PPP6R3: variants seen among roughly 807,000 people sequenced by gnomAD.
PPP6R3 encodes protein phosphatase 6 regulatory subunit 3.
Under a neutral mutation model 110.7 loss-of-function variants are expected in PPP6R3, and 38 were observed. The ratio of observed to expected loss-of-function variants is 0.34; its 90% CI spans 0.26 to 0.45. PPP6R3 has a LOEUF of 0.45. PPP6R3 is among the 20% of genes least tolerant of loss of function. The pLI is 1.00. For synonymous variants in PPP6R3, 369 were observed against 373.5 expected (o/e 0.99, Z 0.14); for missense variants, 870 against 1,062.4 (o/e 0.82, Z 2.52).
chr11:68,538,049 A>G (rs1263396605), intron 3 of PPP6R3, among the ~76,000 whole-genome samples, 158 bp downstream of exon 3: 2 of 89,620 alleles, frequency 2.2e-5, no homozygotes, highest in Admixed American at 2.4e-4. Flanking sequence ...AATCCATTCT[A>G]GCAGTAAGTC....
At chr11:68,461,395 C>G (rs958843158) in intron 1 of PPP6R3, among the ~76,000 whole-genome samples, 1 of 151,166 alleles carries the variant, frequency 6.6e-6, no homozygotes, top group Non-Finnish European at 1.5e-5. Flanking sequence ...CAGCCAGTTC[C>G]GAGGCTCCCA....
intron 10 of PPP6R3, among the ~76,000 whole-genome samples, chr11:68,569,481 A>G (rs887728079): frequency 6.6e-6 from 1 of 152,236 alleles, no homozygotes; most frequent in African/African-American, 2.4e-5. Context: ...AATGAATGTT[A>G]TGTGAATGTC....
chr11:68,528,183 A>G (rs1231869283), intron 2 of PPP6R3, among the ~76,000 whole-genome samples: 1 of 152,192 alleles, frequency 6.6e-6, no homozygotes, highest in Non-Finnish European at 1.5e-5. Context: ...GTTGATTAAT[A>G]TAGCATATTA....
chr11:68,529,923 A>G lies in PPP6R3; in HGVS notation c.-6-7736A>G, dbSNP rs573361850. On this transcript the variant is annotated intron_variant, in intron 2 of 23. Coordinates refer to ENST00000393800, the MANE Select transcript of PPP6R3 (RefSeq NM_001164161.2). ...CGGAGAGAGACTGAATCATAATGTCATTAGAGTGGGGCTGTCTAGTACAGC... is the reference window on the plus strand; with the variant it reads ...CGGAGAGAGACTGAATCATAATGTCGTTAGAGTGGGGCTGTCTAGTACAGC... Among the ~76,000 whole-genome samples, 28 of 152,324 alleles carry G rather than the reference A, an allele frequency of 1.8e-4. No homozygotes were observed. The South Asian group carries it at 5.8e-3, about 32-fold the overall frequency.
At chr11:68,496,120 G>C (rs556465708) in intron 1 of PPP6R3, among the ~76,000 whole-genome samples, 38 of 151,966 alleles carry the variant, frequency 2.5e-4, no homozygotes, top group Non-Finnish European at 4.7e-4. Flanking sequence ...CCCCCAAGTT[G>C]CTGGGACCAC....
At chr11:68,491,710 A>G (rs1299799075) in intron 1 of PPP6R3, among the ~76,000 whole-genome samples, 4 of 151,938 alleles carry the variant, frequency 2.6e-5, no homozygotes, top group Non-Finnish European at 4.4e-5. Flanking sequence ...TTGTTGATCA[A>G]CCATCATCAC....
At chr11:68,487,214 C>T (rs1210839064) in intron 1 of PPP6R3, among the ~76,000 whole-genome samples, 1 of 152,070 alleles carries the variant, frequency 6.6e-6, no homozygotes, top group Non-Finnish European at 1.5e-5. Flanking sequence ...CTATAAATTT[C>T]CTTCTAGACA....
Position 68,571,122 on chromosome 11 carries a change from T to C in PPP6R3, c.1343+18T>C. ...AAGAAACAGTAAGTAAATTGTTTTT[T>C]TGAAAGGAATTCAGTTTGGTTGGTA... On this transcript the variant is annotated intron_variant, in intron 12 of 23. Transcript: ENST00000393800. The C allele has an allele frequency of 6.3e-7, 1 of 1,594,052 alleles. No individual in the cohort carries two copies. Among genetic ancestry groups the C allele is most frequent in the South Asian group, 1.2e-5 (1 of 85,844 alleles).
intron 12 of PPP6R3, among the ~76,000 whole-genome samples, chr11:68,573,207 G>A (rs2099517381): frequency 7.1e-6 from 1 of 140,996 alleles, no homozygotes; most frequent in African/African-American, 2.7e-5. Context: ...TTGGAGTGCA[G>A]TAGCACAATC....
chr11:68,576,864 T>C lies in PPP6R3; in HGVS notation c.1545+821T>C, dbSNP rs2099533654. Reference sequence around the variant, plus strand: ...CTTGACTGTTAGGAATTCAATGATCTGGCAGCCTGAAGCAACAGGGAAGCA... The same window carrying C: ...CTTGACTGTTAGGAATTCAATGATCCGGCAGCCTGAAGCAACAGGGAAGCA... On this transcript the variant is annotated intron_variant, in intron 14 of 23. Transcript: ENST00000393800. Among the ~76,000 whole-genome samples, 4 of 152,322 alleles carry C rather than the reference T, an allele frequency of 2.6e-5. No individual in the cohort carries two copies. In the South Asian group the frequency reaches 8.3e-4, roughly 32 times the overall value.
intron 6 of PPP6R3, 52 bp downstream of exon 6, chr11:68,551,238 C>A (rs777869853): frequency 6.6e-6 from 9 of 1,371,016 alleles, no homozygotes; most frequent in Non-Finnish European, 9.2e-6. Flanking sequence ...AAACAAAAAA[C>A]TGTTTATTGG....
chr11:68,602,090 C>T (rs924514964), intron 21 of PPP6R3, 121 bp downstream of exon 21: 16 of 689,940 alleles, frequency 2.3e-5, no homozygotes, highest in Non-Finnish European at 3.3e-5. Context: ...CTGATGTCCA[C>T]AGGGCAGCTG....
At chr11:68,588,334 A>C (rs990560107) in intron 16 of PPP6R3, among the ~76,000 whole-genome samples, 1 of 152,048 alleles carries the variant, frequency 6.6e-6, no homozygotes, top group Non-Finnish European at 1.5e-5. Flanking sequence ...CCCCGTCTCT[A>C]CCAAAAATAT....
chr11:68,509,261 T>C (rs1386344184), intron 1 of PPP6R3, among the ~76,000 whole-genome samples: 1 of 152,264 alleles, frequency 6.6e-6, no homozygotes, highest in Non-Finnish European at 1.5e-5. Context: ...TGTTTAACTT[T>C]CAAAGCATCT....
At chr11:68,466,548 C>A (rs965258763) in intron 1 of PPP6R3, among the ~76,000 whole-genome samples, 1 of 151,546 alleles carries the variant, frequency 6.6e-6, no homozygotes, top group Non-Finnish European at 1.5e-5. Flanking sequence ...ACGCCATTCT[C>A]CTGCCTCAGC....
At chr11:68,496,699 G>A (rs563530699) in intron 1 of PPP6R3, among the ~76,000 whole-genome samples, 1 of 151,946 alleles carries the variant, frequency 6.6e-6, no homozygotes, top group Non-Finnish European at 1.5e-5. Context: ...TCTCAAACTC[G>A]GCCTCAAGCA....
At chr11:68,466,784 T>C (rs886535317) in intron 1 of PPP6R3, among the ~76,000 whole-genome samples, 2 of 152,230 alleles carry the variant, frequency 1.3e-5, no homozygotes, top group African/African-American at 4.8e-5. Context: ...GGCTAATTTT[T>C]TTTGTATTTT....
intron 19 of PPP6R3, among the ~76,000 whole-genome samples, chr11:68,597,464 G>C (rs988884900): frequency 2.0e-5 from 3 of 152,148 alleles, no homozygotes; most frequent in African/African-American, 7.2e-5. Context: ...TATTGGTTCT[G>C]TTTCAAGACA....
chr11:68,485,817 C>G (rs1207008464), intron 1 of PPP6R3, among the ~76,000 whole-genome samples: 1 of 152,086 alleles, frequency 6.6e-6, no homozygotes, highest in Non-Finnish European at 1.5e-5. Context: ...GTCTTAGTCT[C>G]CCAAGTAGCA....
Sources: allele counts gnomAD v4.1 joint callset (sites outside exome capture counted in the v4.1 genomes callset), GRCh38; gene constraint gnomAD v4.1.1; transcripts MANE v1.5; gene names NCBI Gene and HGNC (gene_info 2026-07-23, HGNC 2026-07-21).